DGCR8: variants seen among roughly 807,000 people sequenced by gnomAD.
The protein encoded by DGCR8 is microprocessor complex subunit DGCR8.
Under a neutral mutation model 78.5 loss-of-function variants are expected in DGCR8, and 14 were observed. The observed-to-expected ratio is 0.18, with a 90% CI of 0.12 to 0.28. The LOEUF is 0.28. DGCR8 is among the 10% of genes least tolerant of loss of function. The probability of loss-of-function intolerance (pLI) is 1.00; values close to 1 mark genes in which losing one functional copy is unlikely to be tolerated. For synonymous variants in DGCR8, 399 were observed against 402.4 expected (o/e 0.99, Z 0.10); for missense variants, 702 against 1,022.5 (o/e 0.69, Z 4.28).
chr22:20,107,749 T>C, intron 12 of DGCR8: 1 of 304,454 alleles, frequency 3.3e-6, no homozygotes, highest in Non-Finnish European at 6.4e-6. Flanking sequence ...CAGGGCCAGC[T>C]CTCCCTGCTT....
chr22:20,098,019 C>G (rs190066158), intron 9 of DGCR8, among the ~76,000 whole-genome samples: 1 of 149,722 alleles, frequency 6.7e-6, no homozygotes, highest in South Asian at 2.1e-4. Context: ...TGCAGCTACC[C>G]GGGAGGCTGA....
intron 1 of DGCR8, among the ~76,000 whole-genome samples, chr22:20,084,205 C>A (rs1215854660): frequency 2.0e-5 from 3 of 152,208 alleles, no homozygotes; most frequent in Non-Finnish European, 4.4e-5. Flanking sequence ...GAAGTACATC[C>A]ACCATGCCTT....
chr22:20,092,137 G>T (rs957105029), intron 7 of DGCR8, among the ~76,000 whole-genome samples, 167 bp downstream of exon 7: 16 of 152,178 alleles, frequency 1.1e-4, no homozygotes, highest in Admixed American at 3.3e-4. Flanking sequence ...CTGGAGCCGC[G>T]CCCCATCTGA....
At chr22:20,090,288 G>T in intron 5 of DGCR8, 30 bp downstream of exon 5, 1 of 1,562,950 alleles carries the variant, frequency 6.4e-7, no homozygotes, top group Non-Finnish European at 8.6e-7. Flanking sequence ...TTCCCTTCTT[G>T]CCTCCTGGGA....
At chr22:20,100,834 G>T (rs1347493550) in intron 9 of DGCR8, 1 of 985,006 alleles carries the variant, frequency 1.0e-6, no homozygotes, top group Non-Finnish European at 1.2e-6. Context: ...ACTGCAGCCT[G>T]TCTGGAGCTA....
At position 20,088,623 on chromosome 22, in the gene DGCR8, C is replaced by T. The variant is rs78919229; in HGVS notation, c.881-1046C>T. ...CCTGACTCTGTGGGGAGAGAGCCCA[C>T]GCAGTGTGCATGCACCCCTGACCTT... On this transcript the variant is annotated intron_variant, in intron 3 of 13. Coordinates refer to ENST00000351989, the MANE Select transcript of DGCR8 (RefSeq NM_022720.7). Among the ~76,000 whole-genome samples, 462 of 152,328 alleles carry T rather than the reference C, an allele frequency of 3.0e-3. 4 individuals are homozygous for T. Among genetic ancestry groups the T allele is most frequent in the African/African-American group, 0.01 (430 of 41,570 alleles).
intron 9 of DGCR8, 69 bp downstream of exon 9, chr22:20,094,864 A>AGCTGGGGGTGTCC: frequency 7.1e-7 from 1 of 1,400,230 alleles, no homozygotes; most frequent in Non-Finnish European, 1.0e-6. Context: ...TGTTAGTGTG[A>AGCTGGGGGTGTCC]GCTGGGGGTG....
chr22:20,080,249 G>T lies in DGCR8; in HGVS notation c.-412G>T, dbSNP rs1211821297. 4 of 972,818 alleles carry T rather than the reference G, an allele frequency of 4.1e-6. No homozygotes were observed. The highest frequency in any genetic ancestry group is 3.7e-6 in the Non-Finnish European group (3 of 820,692). 60.3% of individuals were successfully genotyped at this position (972,818 alleles called of 1,614,324 possible). On this transcript the variant is annotated 5_prime_UTR_variant, in exon 1 of 14. Transcript: ENST00000351989. ...CGCCGCGAAGGCCCGCCCTCCGCTC[G>T]CCCGGCGCGGCAGGCGGGTGCCGGC...
At position 20,094,768 on chromosome 22, in the gene DGCR8, G is replaced by A. The variant is rs1445839961; in HGVS notation, c.1761G>A (p.Glu587=). The A allele has an allele frequency of 6.2e-7, 1 of 1,614,018 alleles. No homozygotes were observed. Among genetic ancestry groups the A allele is most frequent in the Admixed American group, 1.7e-5 (1 of 60,010 alleles). ...ACTTTGTTAAACAGACCTCTGAAGA[G>A]AAGCCCAAAGACAGTGAAGAACTCG... ...IPDFVKQTSE[E]KPKDSEELEY... is the part of the protein sequence containing the mutation. Residue 587 remains glutamate (E), a synonymous_variant, in exon 9 of 14, where the codon GAG becomes GAA. Coordinates refer to ENST00000351989, the MANE Select transcript of DGCR8 (RefSeq NM_022720.7).
intron 9 of DGCR8, among the ~76,000 whole-genome samples, chr22:20,104,024 G>A (rs1230234199): frequency 6.6e-6 from 1 of 152,242 alleles, no homozygotes; most frequent in Non-Finnish European, 1.5e-5. Flanking sequence ...AGAAGCAACA[G>A]GGATTTGTCT....
intron 1 of DGCR8, among the ~76,000 whole-genome samples, chr22:20,082,569 G>A (rs2049430660): frequency 6.6e-6 from 1 of 151,896 alleles, no homozygotes. Context: ...GGGTTTCAAT[G>A]TGTTAGCCAG....
intron 9 of DGCR8, among the ~76,000 whole-genome samples, chr22:20,099,824 A>G (rs531696624): frequency 1.3e-5 from 2 of 152,190 alleles, no homozygotes; most frequent in South Asian, 4.1e-4. Flanking sequence ...TTAAGTGTCT[A>G]TGGTAGTACT....
Position 20,111,636 on chromosome 22 carries a change from G to A in DGCR8, c.*1528G>A, listed in dbSNP as rs1458780142. 2 of 360,548 alleles carry A rather than the reference G, an allele frequency of 5.5e-6. No individual in the cohort carries two copies. The highest frequency in any genetic ancestry group is 9.9e-6 in the Non-Finnish European group (2 of 202,078). The allele number at this position is 360,548 out of a possible 1,614,324, so 22.3% of individuals were successfully genotyped here. A position where few individuals can be genotyped will look rare whatever the true frequency, so the allele number is the denominator to read the frequency against. On this transcript the variant is annotated 3_prime_UTR_variant, in exon 14 of 14. Coordinates refer to ENST00000351989, the MANE Select transcript of DGCR8 (RefSeq NM_022720.7). Reference sequence around the variant, plus strand: ...CATGTGTTCCCCTAAAGGTTGGGGAGCCTCGCTGTGTCTTGCTGTTCCCAG... The same window carrying A: ...CATGTGTTCCCCTAAAGGTTGGGGAACCTCGCTGTGTCTTGCTGTTCCCAG...
chr22:20,083,412 AGGAACT>A (rs2049439339), intron 1 of DGCR8, among the ~76,000 whole-genome samples: 1 of 150,850 alleles, frequency 6.6e-6, no homozygotes, highest in Admixed American at 6.6e-5. Flanking sequence ...GAGGGGAGGA[AGGAACT>A]TGCCCAGGAC....
chr22:20,107,651 T>C, intron 12 of DGCR8: 1 of 507,436 alleles, frequency 2.0e-6, no homozygotes, highest in Non-Finnish European at 3.6e-6. Flanking sequence ...CTATGTGGCT[T>C]GTAGGGAGAT....
chr22:20,107,523 T>C, intron 12 of DGCR8, 125 bp downstream of exon 12: 1 of 1,224,834 alleles, frequency 8.2e-7, no homozygotes, highest in South Asian at 1.4e-5. Context: ...GCCTCTCTCC[T>C]GGGCCACTTG....
intron 9 of DGCR8, chr22:20,101,211 C>A: frequency 2.0e-6 from 2 of 985,346 alleles, no homozygotes; most frequent in Non-Finnish European, 2.4e-6. Flanking sequence ...TTTTATGATG[C>A]CATGCCTTGG....
intron 1 of DGCR8, among the ~76,000 whole-genome samples, chr22:20,083,190 T>C (rs1224324372): frequency 2.6e-5 from 4 of 152,126 alleles, no homozygotes; most frequent in Non-Finnish European, 4.4e-5. Flanking sequence ...GGATCCCCCT[T>C]CCTAAAACTG....
In DGCR8 at chr22:20,111,776, G is replaced by A. The variant is rs114225267; in HGVS notation, c.*1668G>A. On this transcript the variant is annotated 3_prime_UTR_variant, in exon 14 of 14. Transcript: ENST00000351989. Reference sequence around the variant, plus strand: ...GTGCACACAGCCATGCTTCAAGGCCGGGGCAGGGGAGCCTGTGCTGATGCC... The same window carrying A: ...GTGCACACAGCCATGCTTCAAGGCCAGGGCAGGGGAGCCTGTGCTGATGCC... 9.3e-3 allele frequency: 2,187 copies of A among 234,876 alleles called. 51 individuals are homozygous for A. The highest frequency in any genetic ancestry group is 0.047 in the African/African-American group (2,017 of 43,142). 14.5% of individuals were successfully genotyped at this position (234,876 alleles called of 1,614,324 possible). A position where few individuals can be genotyped will look rare whatever the true frequency, so the allele number is the denominator to read the frequency against.
Sources: allele counts gnomAD v4.1 joint callset (sites outside exome capture counted in the v4.1 genomes callset), GRCh38; gene constraint gnomAD v4.1.1; transcripts MANE v1.5; gene names NCBI Gene and HGNC (gene_info 2026-07-23, HGNC 2026-07-21).